The following DIAPH3 variants were observed in gnomAD, a reference collection of about 807,000 sequenced individuals.
DIAPH3 encodes the protein protein diaphanous homolog 3.
A neutral mutation model predicts 144.3 loss-of-function variants in DIAPH3; 117 were observed. The observed-to-expected ratio is 0.81, with a 90% CI of 0.70 to 0.95. The LOEUF (loss-of-function observed/expected upper bound fraction) is 0.95. DIAPH3 is among the 40% of genes least tolerant of loss of function. DIAPH3 has a pLI of 0.00. For synonymous variants in DIAPH3, 519 were observed against 488.9 expected, an observed-to-expected ratio of 1.06 and a Z score of -0.81; for missense variants, 1,421 against 1,412.7, an observed-to-expected ratio of 1.01 and a Z score of -0.09.
chr13:59,907,181 T>G (rs2046783391), intron 20 of DIAPH3, among the ~76,000 whole-genome samples: 1 of 152,202 alleles, frequency 6.6e-6, no homozygotes, highest in Non-Finnish European at 1.5e-5. Context: ...CTATTGCCTC[T>G]CAAATATACA....
chr13:59,852,440 T>G (rs970781042), intron 22 of DIAPH3, among the ~76,000 whole-genome samples: 2 of 152,110 alleles, frequency 1.3e-5, no homozygotes, highest in African/African-American at 4.8e-5. Context: ...AAACTCAGAG[T>G]TGAAGAGTTG....
intron 20 of DIAPH3, among the ~76,000 whole-genome samples, chr13:59,893,882 G>A (rs1949881192): frequency 6.6e-6 from 1 of 152,032 alleles, no homozygotes; most frequent in Admixed American, 6.6e-5. Flanking sequence ...TGACAAAAGT[G>A]TTTCTCTATA....
Position 60,033,721 on chromosome 13 carries a change from G to T in DIAPH3, c.626+8969C>A, listed in dbSNP as rs1164001185. Among the ~76,000 whole-genome samples, 5 of 152,148 alleles carry T rather than the reference G, an allele frequency of 3.3e-5. No homozygotes were observed. In the South Asian group the frequency reaches 1.0e-3, roughly 32 times the overall value. On this transcript the variant is annotated intron_variant, in intron 5 of 27. Coordinates refer to ENST00000400324, the MANE Select transcript of DIAPH3 (RefSeq NM_001042517.2). Reference sequence around the variant, plus strand: ...CACTGGGGATTACAATTCAACAGGAGATCTGAGCAAGAATAAATATCCAAA... The same window carrying T: ...CACTGGGGATTACAATTCAACAGGATATCTGAGCAAGAATAAATATCCAAA...
At chr13:60,160,460 C>G (rs1229401015) in intron 1 of DIAPH3, among the ~76,000 whole-genome samples, 1 of 152,190 alleles carries the variant, frequency 6.6e-6, no homozygotes, top group Non-Finnish European at 1.5e-5. Flanking sequence ...ATGGACACTT[C>G]TAGAAGCCAC....
chr13:59,709,898 T>C (rs1482605347), intron 27 of DIAPH3, among the ~76,000 whole-genome samples: 4 of 151,952 alleles, frequency 2.6e-5, no homozygotes, highest in South Asian at 2.1e-4. Context: ...ATATACACCA[T>C]GGAATACTAT....
intron 17 of DIAPH3, among the ~76,000 whole-genome samples, chr13:59,930,908 G>A (rs911195035): frequency 6.6e-6 from 1 of 152,118 alleles, no homozygotes; most frequent in African/African-American, 2.4e-5. Context: ...AGTTGATTCT[G>A]TAGTGGGAAA....
intron 17 of DIAPH3, among the ~76,000 whole-genome samples, chr13:59,931,974 G>T (rs2048042329): frequency 6.6e-6 from 1 of 152,136 alleles, no homozygotes; most frequent in South Asian, 2.1e-4. Flanking sequence ...AGGTTTTCCA[G>T]ATACCATATA....
chr13:59,999,802 C>T (rs962166560), intron 9 of DIAPH3, among the ~76,000 whole-genome samples: 1 of 152,092 alleles, frequency 6.6e-6, no homozygotes, highest in Non-Finnish European at 1.5e-5. Flanking sequence ...CTCCCAGCCT[C>T]CCCCAGCTCC....
At chr13:60,032,675 T>A (rs1308919245) in intron 5 of DIAPH3, among the ~76,000 whole-genome samples, 2 of 152,210 alleles carry the variant, frequency 1.3e-5, no homozygotes, top group Non-Finnish European at 2.9e-5. Flanking sequence ...CCAGGAGGCC[T>A]CTGGGCCAGT....
chr13:60,046,793 T>A (rs1244450971), intron 4 of DIAPH3, among the ~76,000 whole-genome samples: 2 of 151,932 alleles, frequency 1.3e-5, no homozygotes, highest in Non-Finnish European at 2.9e-5. Flanking sequence ...TATGCAGCCA[T>A]AAAAAAAGAA....
chr13:59,902,016 A>G (rs2046462236), intron 20 of DIAPH3, among the ~76,000 whole-genome samples: 1 of 152,242 alleles, frequency 6.6e-6, no homozygotes, highest in Admixed American at 6.5e-5. Context: ...CCAACCTATC[A>G]GCAGTAAAAG....
intron 27 of DIAPH3, among the ~76,000 whole-genome samples, chr13:59,732,702 C>G (rs1241137020): frequency 6.6e-6 from 1 of 152,030 alleles, no homozygotes; most frequent in Non-Finnish European, 1.5e-5. Context: ...CTAAGCCTCC[C>G]AAAGTGCTGG....
intron 22 of DIAPH3, among the ~76,000 whole-genome samples, chr13:59,851,295 C>T (rs1156811424): frequency 6.6e-6 from 1 of 152,172 alleles, no homozygotes; most frequent in Non-Finnish European, 1.5e-5. Context: ...ACTTCCATAC[C>T]TTGAGGCCTT....
At chr13:59,841,100 C>T (rs1469150023) in intron 22 of DIAPH3, among the ~76,000 whole-genome samples, 2 of 152,016 alleles carry the variant, frequency 1.3e-5, no homozygotes, top group Non-Finnish European at 2.9e-5. Flanking sequence ...TTACTCTTCC[C>T]GTTTCCAACT....
chr13:59,876,515 T>G (rs2044639716), intron 21 of DIAPH3, among the ~76,000 whole-genome samples: 1 of 152,216 alleles, frequency 6.6e-6, no homozygotes, highest in Non-Finnish European at 1.5e-5. Context: ...TGATTGTATC[T>G]CAATGAGAGG....
chr13:59,693,165 G>A (rs1033520707), intron 27 of DIAPH3, among the ~76,000 whole-genome samples: 1 of 152,166 alleles, frequency 6.6e-6, no homozygotes, highest in Non-Finnish European at 1.5e-5. Context: ...CAGCGTGAAG[G>A]CCTCCGGTGG....
intron 20 of DIAPH3, among the ~76,000 whole-genome samples, chr13:59,900,732 A>C (rs1025376561): frequency 6.6e-6 from 1 of 152,138 alleles, no homozygotes; most frequent in Admixed American, 6.5e-5. Flanking sequence ...CCTGTATGCT[A>C]TTGGCTTCCA....
At position 59,900,303 on chromosome 13, in the gene DIAPH3, T is replaced by C. The variant is rs112451675; in HGVS notation, c.2367+11432A>G. Among the ~76,000 whole-genome samples, 715 of 152,330 alleles carry C rather than the reference T, an allele frequency of 4.7e-3. 3 individuals are homozygous for C. The highest frequency in any genetic ancestry group is 7.8e-3 in the Non-Finnish European group (532 of 68,032). ...ATGATGTATTAGAGATTATTCCATTTTCTTCCATATGAGAGCAAGGTCTGG... is the reference window on the plus strand; with the variant it reads ...ATGATGTATTAGAGATTATTCCATTCTCTTCCATATGAGAGCAAGGTCTGG... On this transcript the variant is annotated intron_variant, in intron 20 of 27. Transcript: ENST00000400324.
Position 59,991,239 on chromosome 13 carries a change from G to A in DIAPH3, c.1280C>T (p.Thr427Ile). 1 of 1,611,172 alleles carries A rather than the reference G, an allele frequency of 6.2e-7. No homozygotes were observed. The highest frequency in any genetic ancestry group is 1.1e-5 in the South Asian group (1 of 91,022). Reference protein sequence around the residue: ...AYDVYNMVWSTVKETRAEGYF... With the variant: ...AYDVYNMVWSIVKETRAEGYF... ...TCCCTCTGCTCTAGTTTCTTTAACT[G>A]TGCTCCACACCATGTTGTAAACATC... Residue 427 changes from threonine (T) to isoleucine (I), a missense_variant, in exon 12 of 28, where the codon ACA becomes ATA. Thr to Ile is a moderately conservative substitution (Grantham distance 89). Coordinates refer to ENST00000400324, the MANE Select transcript of DIAPH3 (RefSeq NM_001042517.2).
Sources: allele counts gnomAD v4.1 joint callset (sites outside exome capture counted in the v4.1 genomes callset), GRCh38; gene constraint gnomAD v4.1.1; transcripts MANE v1.5; gene names NCBI Gene and HGNC (gene_info 2026-07-23, HGNC 2026-07-21).